Variants in GRID2 observed in about 807,000 individuals in gnomAD.
GRID2 encodes the protein glutamate ionotropic receptor delta type subunit 2, also known as glutamate receptor ionotropic, delta-2.
A neutral mutation model predicts 114.8 loss-of-function variants in GRID2; 33 were observed. The observed-to-expected ratio is 0.29, with a 90% CI of 0.22 to 0.38. GRID2 has a LOEUF of 0.38. Ranked by LOEUF, GRID2 falls within the 10% of genes least tolerant of loss-of-function variation. GRID2 has a pLI of 1.00. For synonymous variants in GRID2, 505 were observed against 449.9 expected, an observed-to-expected ratio of 1.12 and a Z score of -1.55; for missense variants, 1,184 against 1,257.7, an observed-to-expected ratio of 0.94 and a Z score of 0.89.
At chr4:92,394,159 A>G (rs572445020) in intron 1 of GRID2, among the ~76,000 whole-genome samples, 12 of 152,172 alleles carry the variant, frequency 7.9e-5, no homozygotes, top group African/African-American at 1.2e-4. Flanking sequence ...TTTTGTTACA[A>G]TGAAGATCAC....
intron 2 of GRID2, among the ~76,000 whole-genome samples, chr4:92,602,080 G>A (rs955360769): frequency 6.6e-6 from 1 of 151,730 alleles, no homozygotes; most frequent in African/African-American, 2.4e-5. Context: ...TTCTACCAGA[G>A]GTACAAAGAG....
chr4:93,436,167 G>T (rs1721061574), intron 10 of GRID2, among the ~76,000 whole-genome samples: 1 of 152,080 alleles, frequency 6.6e-6, no homozygotes, highest in African/African-American at 2.4e-5. Flanking sequence ...CTTTCATCAG[G>T]CTTTGGTATC....
At position 92,358,758 on chromosome 4, in the gene GRID2, C is replaced by A. The variant is rs1355672235; in HGVS notation, c.88+54014C>A. 2.0e-5 allele frequency among the ~76,000 whole-genome samples: 3 copies of A among 151,682 alleles called. No individual in the cohort carries two copies. In the East Asian group the frequency reaches 5.8e-4, roughly 29 times the overall value. The stretch of plus-strand genomic sequence containing the variant: ...TGGTAAATGTAATGATGGGAAAAGG[C>A]TTTTCTATTTCATTTGATGATAAGA... On this transcript the variant is annotated intron_variant, in intron 1 of 15. Transcript: ENST00000282020.
chr4:92,779,937 A>T (rs1250170641), intron 2 of GRID2, among the ~76,000 whole-genome samples: 1 of 152,150 alleles, frequency 6.6e-6, no homozygotes, highest in African/African-American at 2.4e-5. Context: ...AATAATTAAG[A>T]TGTTTTAATC....
rs576255025 is a variant in GRID2, at chr4:93,072,740, A to G, written c.245-12255A>G. ...ATGGTTAGGTAGGTCATTAATTCATAAGGTAAACTGGATACTAGTCTATTT... is the reference window on the plus strand; with the variant it reads ...ATGGTTAGGTAGGTCATTAATTCATGAGGTAAACTGGATACTAGTCTATTT... On this transcript the variant is annotated intron_variant, in intron 2 of 15. Transcript: ENST00000282020. Among the ~76,000 whole-genome samples, 104 of 152,296 alleles carry G rather than the reference A, an allele frequency of 6.8e-4. 1 individual carries two copies. The highest frequency in any genetic ancestry group is 2.3e-3 in the African/African-American group (94 of 41,576).
In GRID2 at chr4:92,692,678, A is replaced by T. The variant is rs1314994078; in HGVS notation, c.244+102392A>T. On this transcript the variant is annotated intron_variant, in intron 2 of 15. Coordinates refer to ENST00000282020, the MANE Select transcript of GRID2 (RefSeq NM_001510.4). The stretch of plus-strand genomic sequence containing the variant: ...GGGGTAAAGTGGTGAGAGAAATTGG[A>T]AGATGGAATTTTGGTATTTTAGAAC... Among the ~76,000 whole-genome samples, 3 of 152,234 alleles carry T rather than the reference A, an allele frequency of 2.0e-5. No individual in the cohort carries two copies. The East Asian group carries it at 5.8e-4, about 29-fold the overall frequency.
chr4:92,600,042 G>GTATATATATATA (rs1264402444), intron 2 of GRID2, among the ~76,000 whole-genome samples: 11 of 70,362 alleles, frequency 1.6e-4, no homozygotes, highest in African/African-American at 4.7e-4. Context: ...GTGTGTGTGT[G>GTATATATATATA]TGTATATATA....
chr4:93,741,463 C>T (rs563082703), intron 14 of GRID2, among the ~76,000 whole-genome samples: 2 of 151,972 alleles, frequency 1.3e-5, no homozygotes, highest in South Asian at 4.2e-4. Context: ...ACTAAAAAGA[C>T]AACTTTTTAT....
chr4:93,282,385 A>C (rs1408747677), intron 8 of GRID2: 1 of 449,574 alleles, frequency 2.2e-6, no homozygotes, highest in South Asian at 1.6e-5. Flanking sequence ...AGTTCTAGAG[A>C]CTGGGAAGTT....
At chr4:93,513,030 C>T (rs1214265504) in intron 12 of GRID2, among the ~76,000 whole-genome samples, 1 of 152,036 alleles carries the variant, frequency 6.6e-6, no homozygotes, top group Non-Finnish European at 1.5e-5. Context: ...GTGATCTCAC[C>T]TCCATTAGAT....
intron 2 of GRID2, among the ~76,000 whole-genome samples, chr4:92,683,554 A>G (rs1379589138): frequency 6.6e-6 from 1 of 152,206 alleles, no homozygotes; most frequent in African/African-American, 2.4e-5. Context: ...ATATAAAAAG[A>G]AGGAAAATGA....
chr4:92,930,062 G>A (rs994514379), intron 2 of GRID2, among the ~76,000 whole-genome samples: 1 of 151,124 alleles, frequency 6.6e-6, no homozygotes, highest in Non-Finnish European at 1.5e-5. Context: ...AAGAAAATAT[G>A]TATTGAAGAA....
At chr4:92,696,096 A>C (rs540144824) in intron 2 of GRID2, among the ~76,000 whole-genome samples, 14 of 152,118 alleles carry the variant, frequency 9.2e-5, no homozygotes, top group Non-Finnish European at 1.8e-4. Context: ...AAAGTACATA[A>C]AATTTAACAT....
rs1337567536 is a variant in GRID2, at chr4:93,593,700, C to T, written c.2194-32569C>T. Among the ~76,000 whole-genome samples the T allele has an allele frequency of 1.5e-4, 23 of 152,204 alleles. No homozygotes were observed. In the East Asian group the frequency reaches 1.5e-3, roughly 10 times the overall value. ...ATCACTTTCAGGTACACCAATCAGA[C>T]GTAGATTTGGTCTTTTCACATAGTC... On this transcript the variant is annotated intron_variant, in intron 13 of 15. Transcript: ENST00000282020.
At chr4:93,231,852 C>A (rs996330760) in intron 7 of GRID2, among the ~76,000 whole-genome samples, 4 of 152,148 alleles carry the variant, frequency 2.6e-5, no homozygotes, top group African/African-American at 9.6e-5. Flanking sequence ...AATAAACCTT[C>A]TGCATACAAG....
At chr4:93,083,695 CA>C (rs34205612) in intron 2 of GRID2, among the ~76,000 whole-genome samples, 30,327 of 76,060 alleles carry the variant, frequency 0.4, 2,806 homozygotes, top group Admixed American at 0.49. Context: ...GACTCCATCT[CA>C]AAAAAAAAAA....
intron 2 of GRID2, among the ~76,000 whole-genome samples, chr4:93,080,231 G>A (rs1206636928): frequency 1.3e-5 from 2 of 151,942 alleles, no homozygotes; most frequent in Non-Finnish European, 1.5e-5. Flanking sequence ...TATTAAAAAA[G>A]CAATCATAAA....
intron 1 of GRID2, among the ~76,000 whole-genome samples, chr4:92,348,709 GT>G (rs538002763): frequency 9.7e-4 from 147 of 152,206 alleles, no homozygotes; most frequent in African/African-American, 3.5e-3. Flanking sequence ...TTTTAAGAAA[GT>G]TTCAGGTATT....
chr4:92,465,364 C>G (rs1721696962), intron 1 of GRID2, among the ~76,000 whole-genome samples: 1 of 151,832 alleles, frequency 6.6e-6, no homozygotes, highest in African/African-American at 2.4e-5. Context: ...TCATTAGACA[C>G]TATTTGGAAA....
Sources: gnomAD v4.1 joint callset for allele counts (sites outside exome capture counted in the v4.1 genomes callset) on GRCh38, gnomAD v4.1.1 for gene constraint, MANE v1.5 for transcripts, NCBI Gene and HGNC (gene_info 2026-07-23, HGNC 2026-07-21) for gene names.